MCTP2: variants seen among roughly 807,000 people sequenced by gnomAD.
MCTP2 encodes multiple C2 and transmembrane domain containing 2.
In MCTP2, 132 loss-of-function variants were observed where a neutral mutation model predicts 111.6. That is an observed-to-expected ratio of 1.18 (90% CI 1.03 to 1.37). The LOEUF is 1.37. Among genes scored for constraint, MCTP2 ranks in the 40% most tolerant of loss-of-function variants. MCTP2 has a pLI of 0.00. For missense variants in MCTP2, 1,183 were observed against 1,067.9 expected, an observed-to-expected ratio of 1.11 and a Z score of -1.50; for synonymous variants, 395 against 387.7, an observed-to-expected ratio of 1.02 and a Z score of -0.22.
chr15:94,440,033 G>A (rs978384906), intron 17 of MCTP2, 143 bp from the exon 18 acceptor site: 1 of 879,792 alleles, frequency 1.1e-6, no homozygotes, highest in Admixed American at 2.2e-5. Context: ...TGATCATTGT[G>A]TGTGTGCGTA....
At chr15:94,325,315 A>G (rs1248357175) in intron 4 of MCTP2, among the ~76,000 whole-genome samples, 2 of 152,190 alleles carry the variant, frequency 1.3e-5, no homozygotes, top group African/African-American at 4.8e-5. Flanking sequence ...CATATGCAAT[A>G]AACATTAGCT....
At chr15:94,273,700 A>T in intron 1 of MCTP2, 1 of 176,264 alleles carries the variant, frequency 5.7e-6, no homozygotes. Context: ...CAAATTGGCA[A>T]GTAGTCAAGT....
At chr15:94,388,624 C>G (rs141468222) in intron 14 of MCTP2, among the ~76,000 whole-genome samples, 1 of 152,058 alleles carries the variant, frequency 6.6e-6, no homozygotes, top group Non-Finnish European at 1.5e-5. Flanking sequence ...TTATTTAGAT[C>G]TAGTTTTTTT....
At chr15:94,298,829 TCC>T in intron 2 of MCTP2, 99 bp downstream of exon 2, 1 of 400,722 alleles carries the variant, frequency 2.5e-6, no homozygotes, top group Non-Finnish European at 3.8e-6. Context: ...TCTTCCCCCC[TCC>T]CCCTCCCTCT....
chr15:94,397,246 G>C (rs912548221), intron 14 of MCTP2, among the ~76,000 whole-genome samples: 2 of 152,152 alleles, frequency 1.3e-5, no homozygotes, highest in African/African-American at 4.8e-5. Context: ...CAATGTGAGG[G>C]ACATTAGGAA....
chr15:94,275,960 T>A (rs2074173560), intron 1 of MCTP2, among the ~76,000 whole-genome samples: 5 of 151,392 alleles, frequency 3.3e-5, no homozygotes, highest in Admixed American at 3.3e-4. Flanking sequence ...GCAATTCTCC[T>A]GCCTCAGCCT....
rs2075385316 is a variant in MCTP2, at chr15:94,298,613, G to A, written c.348G>A (p.Val116=). ...SQEEASHLHV[V]ETDSEEAYAS... ...AAGAAGCCAGTCACCTCCATGTGGT[G>A]GAAACAGACTCAGAGGAGGCCTATG... The change falls in exon 2 of 23, where the codon GTG becomes GTA. Residue 116 remains valine, a synonymous_variant. Transcript: ENST00000357742. 5 of 1,614,118 alleles carry A rather than the reference G, an allele frequency of 3.1e-6. No individual in the cohort carries two copies. In the Admixed American group the frequency reaches 6.7e-5, roughly 22 times the overall value.
At chr15:94,372,177 A>G (rs1031372574) in intron 12 of MCTP2, among the ~76,000 whole-genome samples, 6 of 152,224 alleles carry the variant, frequency 3.9e-5, no homozygotes, top group African/African-American at 1.4e-4. Flanking sequence ...TAGAAATGAA[A>G]TAATGCTGTG....
intron 1 of MCTP2, among the ~76,000 whole-genome samples, chr15:94,288,420 C>T (rs1186994022): frequency 6.6e-6 from 1 of 152,192 alleles, no homozygotes; most frequent in African/African-American, 2.4e-5. Context: ...CCACTCAAGT[C>T]CCAGACTGAC....
chr15:94,366,024 G>A (rs2079164201), intron 10 of MCTP2, among the ~76,000 whole-genome samples: 3 of 152,156 alleles, frequency 2.0e-5, no homozygotes, highest in Admixed American at 2.0e-4. Context: ...TCAAGAATTT[G>A]TGGGGACCTA....
intron 8 of MCTP2, among the ~76,000 whole-genome samples, chr15:94,354,859 C>T (rs1473290780): frequency 1.3e-5 from 2 of 152,052 alleles, no homozygotes; most frequent in African/African-American, 2.4e-5. Context: ...AACTGCTGTC[C>T]GAGCAAATTG....
At chr15:94,475,173 G>A (rs2074253650) in intron 21 of MCTP2, among the ~76,000 whole-genome samples, 2 of 152,150 alleles carry the variant, frequency 1.3e-5, no homozygotes, top group Admixed American at 6.5e-5. Context: ...CACAGTGAGA[G>A]TATTTCAGTG....
At chr15:94,282,985 G>A (rs989739059) in intron 1 of MCTP2, among the ~76,000 whole-genome samples, 3 of 152,144 alleles carry the variant, frequency 2.0e-5, no homozygotes. Context: ...AAGTGATCCA[G>A]TGGGGCGGTG....
intron 14 of MCTP2, among the ~76,000 whole-genome samples, chr15:94,392,035 C>T (rs115208098): frequency 0.014 from 2,134 of 152,040 alleles, 53 homozygotes; most frequent in African/African-American, 0.047. Flanking sequence ...GTCAGAAACT[C>T]GATACAGGTT....
chr15:94,244,348 A>G (rs1173223856), intron 1 of MCTP2, among the ~76,000 whole-genome samples: 1 of 149,518 alleles, frequency 6.7e-6, no homozygotes, highest in Non-Finnish European at 1.5e-5. Context: ...ACGTATACGT[A>G]TACACATACA....
chr15:94,243,038 C>T lies in MCTP2; in HGVS notation c.-66+11374C>T, dbSNP rs1280896771. 4.2e-4 allele frequency among the ~76,000 whole-genome samples: 26 copies of T among 62,354 alleles called. 3 individuals carry two copies. The highest frequency in any genetic ancestry group is 2.6e-4 in the Non-Finnish European group (7 of 27,360). The allele number at this position is 62,354 out of a possible 152,430, so 40.9% of individuals were successfully genotyped here. A position where few individuals can be genotyped will look rare whatever the true frequency, so the allele number is the denominator to read the frequency against. On this transcript the variant is annotated intron_variant, in intron 1 of 22. Coordinates refer to ENST00000357742, the MANE Select transcript of MCTP2 (RefSeq NM_001385001.1). ...GTGTATATGTGTATCTACACATACA[C>T]GTGTATATGTGTATCTACACATACA... is the stretch of plus-strand genomic sequence containing the variant.
intron 17 of MCTP2, among the ~76,000 whole-genome samples, chr15:94,416,354 G>C (rs1419958334): frequency 6.6e-6 from 1 of 152,060 alleles, no homozygotes. Flanking sequence ...AAAGCTGTCA[G>C]TGTATTCATT....
chr15:94,266,737 T>G (rs1177208838), intron 1 of MCTP2, among the ~76,000 whole-genome samples: 3 of 152,184 alleles, frequency 2.0e-5, no homozygotes, highest in Admixed American at 1.3e-4. Flanking sequence ...TTTTCTGGCT[T>G]TTGACATTTG....
chr15:94,236,040 A>G lies in MCTP2; in HGVS notation c.-66+4376A>G, dbSNP rs140721221. On this transcript the variant is annotated intron_variant, in intron 1 of 22. Coordinates refer to ENST00000357742, the MANE Select transcript of MCTP2 (RefSeq NM_001385001.1). ...TTTAAAATTTCATGAGTGAATAGAC[A>G]TGATTCCATATAAATGATTACATCA... Among the ~76,000 whole-genome samples the G allele has an allele frequency of 3.0e-4, 46 of 152,358 alleles. No individual in the cohort carries two copies. In the East Asian group the frequency reaches 8.3e-3, roughly 27 times the overall value.
Sources: allele counts gnomAD v4.1 joint callset (sites outside exome capture counted in the v4.1 genomes callset), GRCh38; gene constraint gnomAD v4.1.1; transcripts MANE v1.5; gene names NCBI Gene and HGNC (gene_info 2026-07-23, HGNC 2026-07-21).